PCDH15: variants seen among roughly 807,000 people sequenced by gnomAD.
PCDH15 encodes protocadherin-15.
PCDH15 carries 129 observed loss-of-function variants against 178.5 expected under a neutral mutation model. That is an observed-to-expected ratio of 0.72 (90% CI 0.63 to 0.84). The LOEUF (loss-of-function observed/expected upper bound fraction) is 0.84, where lower values mean the gene tolerates loss of function less well. PCDH15 is among the 40% of genes least tolerant of loss of function. PCDH15 has a pLI of 0.00. For synonymous variants in PCDH15, 800 were observed against 732.0 expected, an observed-to-expected ratio of 1.09 and a Z score of -1.50; for missense variants, 2,230 against 2,099.9, an observed-to-expected ratio of 1.06 and a Z score of -1.21.
At chr10:55,166,289 T>C in intron 2 of PCDH15, among the ~76,000 whole-genome samples, 1 of 152,112 alleles carries the variant, frequency 6.6e-6, no homozygotes. Flanking sequence ...GAATAATAAA[T>C]CTAAACTGGG....
chr10:54,956,956 C>T (rs549637793), intron 2 of PCDH15, among the ~76,000 whole-genome samples: 1 of 151,548 alleles, frequency 6.6e-6, no homozygotes, highest in South Asian at 2.1e-4. Context: ...TTTATCTGTC[C>T]AAAGCTGAAC....
chr10:54,939,739 G>A (rs1389221193), intron 2 of PCDH15, among the ~76,000 whole-genome samples: 2 of 152,016 alleles, frequency 1.3e-5, no homozygotes, highest in Non-Finnish European at 2.9e-5. Context: ...TTAAGGCACC[G>A]ACAAATATGA....
intron 5 of PCDH15, among the ~76,000 whole-genome samples, chr10:54,367,025 A>C (rs990885602): frequency 6.6e-6 from 1 of 152,156 alleles, no homozygotes; most frequent in African/African-American, 2.4e-5. Context: ...TTGAAGATCA[A>C]TACATGTAAA....
At chr10:55,310,801 A>AATCCT (rs2132288360) in intron 1 of PCDH15, among the ~76,000 whole-genome samples, 1 of 152,276 alleles carries the variant, frequency 6.6e-6, no homozygotes, top group Non-Finnish European at 1.5e-5. Flanking sequence ...GCATGTTCTC[A>AATCCT]ATCCTAAGTG....
At chr10:55,105,566 G>T (rs1842655950) in intron 2 of PCDH15, among the ~76,000 whole-genome samples, 1 of 152,090 alleles carries the variant, frequency 6.6e-6, no homozygotes, top group African/African-American at 2.4e-5. Context: ...TATTACAGGA[G>T]GAGGATCCTA....
At chr10:54,567,097 CT>C (rs562505479) in intron 2 of PCDH15, among the ~76,000 whole-genome samples, 1 of 152,100 alleles carries the variant, frequency 6.6e-6, no homozygotes, top group Non-Finnish European at 1.5e-5. Flanking sequence ...TGTGGGACAT[CT>C]TTTCATGTGC....
intron 13 of PCDH15, among the ~76,000 whole-genome samples, chr10:54,157,426 A>T (rs913687079): frequency 6.6e-6 from 1 of 152,172 alleles, no homozygotes; most frequent in Non-Finnish European, 1.5e-5. Flanking sequence ...CCTGAGCTCT[A>T]TGTTGGACCC....
chr10:54,309,320 TACACACAC>T (rs71984217), intron 8 of PCDH15, among the ~76,000 whole-genome samples: 2,436 of 146,270 alleles, frequency 0.017, 79 homozygotes, highest in African/African-American at 0.057. Flanking sequence ...TATACGTACA[TACACACAC>T]ACACACACAC....
At chr10:54,234,076 G>C (rs1402657065) in intron 9 of PCDH15, among the ~76,000 whole-genome samples, 1 of 151,548 alleles carries the variant, frequency 6.6e-6, no homozygotes. Flanking sequence ...TATGGATTTA[G>C]GGAAAATTAA....
intron 2 of PCDH15, among the ~76,000 whole-genome samples, chr10:55,452,670 A>C (rs891739336): frequency 6.6e-6 from 1 of 152,140 alleles, no homozygotes; most frequent in African/African-American, 2.4e-5. Context: ...TTTTGAGACA[A>C]AAATACTGAA....
At chr10:55,472,833 G>C (rs1256971895) in intron 2 of PCDH15, among the ~76,000 whole-genome samples, 1 of 152,180 alleles carries the variant, frequency 6.6e-6, no homozygotes, top group Non-Finnish European at 1.5e-5. Flanking sequence ...CTCCCAAAGT[G>C]CTGGGATTAC....
chr10:55,176,744 A>G (rs2120761), intron 1 of PCDH15, among the ~76,000 whole-genome samples: 71,673 of 151,674 alleles, frequency 0.47, 17,253 homozygotes, highest in East Asian at 0.67. Context: ...GTACCTGAGG[A>G]TACTAAATTG....
chr10:54,452,267 C>T (rs1431822892), intron 3 of PCDH15, among the ~76,000 whole-genome samples: 1 of 151,910 alleles, frequency 6.6e-6, no homozygotes, highest in African/African-American at 2.4e-5. Flanking sequence ...TGCTTCTCCT[C>T]CATGCTACAC....
chr10:54,084,421 C>G (rs557250895), intron 16 of PCDH15, among the ~76,000 whole-genome samples: 6 of 150,932 alleles, frequency 4.0e-5, no homozygotes, highest in Admixed American at 1.3e-4. Context: ...TGCAGTAAGC[C>G]GAGACCATAC....
At chr10:54,183,075 A>G (rs777054641) in intron 13 of PCDH15, among the ~76,000 whole-genome samples, 4 of 151,914 alleles carry the variant, frequency 2.6e-5, no homozygotes, top group African/African-American at 4.8e-5. Flanking sequence ...TTGGCCTCCC[A>G]GGTTCAAGCG....
At chr10:54,697,117 GAAAT>G (rs1238678147) in intron 1 of PCDH15, among the ~76,000 whole-genome samples, 1 of 151,970 alleles carries the variant, frequency 6.6e-6, no homozygotes, top group Admixed American at 6.6e-5. Context: ...TGTCTTTGCA[GAAAT>G]AAAGTTATTT....
intron 2 of PCDH15, among the ~76,000 whole-genome samples, chr10:55,079,524 G>T (rs953063886): frequency 2.1e-4 from 32 of 152,134 alleles, no homozygotes; most frequent in Admixed American, 2.6e-4. Context: ...TTGAACCCCA[G>T]TGTAGCTTAT....
chr10:54,410,014 A>G (rs1338789348), intron 3 of PCDH15, among the ~76,000 whole-genome samples: 1 of 152,170 alleles, frequency 6.6e-6, no homozygotes. Context: ...ACAGCAACAG[A>G]AAAGCAATTA....
chr10:55,481,493 AC>A (rs1840180571), intron 2 of PCDH15, among the ~76,000 whole-genome samples: 1 of 151,654 alleles, frequency 6.6e-6, no homozygotes, highest in South Asian at 2.1e-4. Flanking sequence ...TTCCCTCTTA[AC>A]AATATCTTAA....
Sources: gnomAD v4.1 joint callset for allele counts (sites outside exome capture counted in the v4.1 genomes callset) on GRCh38, gnomAD v4.1.1 for gene constraint, MANE v1.5 for transcripts, NCBI Gene and HGNC (gene_info 2026-07-23, HGNC 2026-07-21) for gene names.